Variants in RRBP1 observed in about 807,000 individuals in gnomAD.
RRBP1 encodes the protein ribosome-binding protein 1.
Under a neutral mutation model 165.2 loss-of-function variants are expected in RRBP1, and 94 were observed. The observed-to-expected ratio is 0.57, with a 90% CI of 0.48 to 0.68. RRBP1 has a LOEUF of 0.68. Among genes scored for constraint, RRBP1 ranks in the 30% least tolerant of loss-of-function variants. RRBP1 has a pLI of 0.00. For synonymous variants in RRBP1, 680 were observed against 714.5 expected (o/e 0.95, Z 0.77); for missense variants, 1,676 against 1,763.0 (o/e 0.95, Z 0.88).
chr20:17,648,302 TGAA>T (rs1298050678), intron 3 of RRBP1, among the ~76,000 whole-genome samples: 1 of 152,276 alleles, frequency 6.6e-6, no homozygotes, highest in East Asian at 1.9e-4. Context: ...CTGGAGGAAA[TGAA>T]GATCTACCAA....
chr20:17,680,948 CG>C (rs1203581767), intron 1 of RRBP1, among the ~76,000 whole-genome samples: 1 of 152,136 alleles, frequency 6.6e-6, no homozygotes, highest in Non-Finnish European at 1.5e-5. Context: ...ACAACTTGGT[CG>C]GGGTCACCCT....
intron 2 of RRBP1, among the ~76,000 whole-genome samples, chr20:17,664,601 CA>C (rs1396954739): frequency 1.3e-5 from 2 of 152,174 alleles, no homozygotes; most frequent in Non-Finnish European, 2.9e-5. Context: ...ATTCGGGGAA[CA>C]AAAGTAAGAG....
chr20:17,616,061 G>T, intron 21 of RRBP1, 52 bp from the exon 22 acceptor site: 1 of 1,503,610 alleles, frequency 6.7e-7, no homozygotes, highest in Non-Finnish European at 9.1e-7. Context: ...AACCCTCCAG[G>T]GGCCCAGGGA....
chr20:17,655,394 G>A (rs1337927244), intron 3 of RRBP1, among the ~76,000 whole-genome samples: 1 of 152,244 alleles, frequency 6.6e-6, no homozygotes, highest in Admixed American at 6.5e-5. Context: ...ATTTCCTACA[G>A]TTACGGTTTA....
chr20:17,664,515 C>T (rs747428798), intron 2 of RRBP1, among the ~76,000 whole-genome samples: 12 of 152,198 alleles, frequency 7.9e-5, no homozygotes, highest in African/African-American at 2.9e-4. Flanking sequence ...TAGGAGGCTG[C>T]GCAGAGGCTG....
chr20:17,670,453 AAC>A (rs748477888), intron 2 of RRBP1, among the ~76,000 whole-genome samples: 1 of 143,908 alleles, frequency 6.9e-6, no homozygotes, highest in African/African-American at 2.5e-5. Flanking sequence ...AAAAAAAAAA[AAC>A]AGTAACACAC....
chr20:17,639,301 C>A (rs1057430860), intron 5 of RRBP1, among the ~76,000 whole-genome samples: 18 of 152,244 alleles, frequency 1.2e-4, no homozygotes, highest in African/African-American at 4.3e-4. Flanking sequence ...GGACTTCGCA[C>A]ATTTGGGAGA....
In RRBP1 at chr20:17,618,620, CT is replaced by C; in HGVS notation, c.3734del (p.Gln1245ArgfsTer14). ...SQLDAAKSEA[Q>X]KQSDELALVR... ...CCAGGGCAAGCTCATCGCTCTGTTTCTGGGCTTCGCTCTTGGCGGCATCGAG... is the reference window on the plus strand; with the variant it reads ...CCAGGGCAAGCTCATCGCTCTGTTTCGGGCTTCGCTCTTGGCGGCATCGAG... On this transcript the variant is annotated frameshift_variant, in exon 20 of 25. Coordinates refer to ENST00000377813, the MANE Select transcript of RRBP1 (RefSeq NM_001365613.2). LOFTEE classifies it high-confidence loss of function. 6.2e-7 allele frequency: 1 copy of C among 1,614,048 alleles called. No individual in the cohort carries two copies. Among genetic ancestry groups the C allele is most frequent in the Non-Finnish European group, 8.5e-7 (1 of 1,180,032 alleles).
intron 3 of RRBP1, among the ~76,000 whole-genome samples, chr20:17,655,984 A>G (rs1167774197): frequency 1.3e-5 from 2 of 152,182 alleles, no homozygotes; most frequent in East Asian, 3.9e-4. Context: ...CTGCTGAGTC[A>G]CAAGATCCTG....
chr20:17,641,377 G>C (rs754130890), intron 5 of RRBP1: 6 of 185,062 alleles, frequency 3.2e-5, no homozygotes, highest in Non-Finnish European at 6.9e-5. Context: ...CTCCCCACAA[G>C]GTTTTGCATA....
chr20:17,614,536 T>A (rs2035754044), intron 24 of RRBP1, among the ~76,000 whole-genome samples: 1 of 151,890 alleles, frequency 6.6e-6, no homozygotes, highest in Admixed American at 6.5e-5. Flanking sequence ...GAAGGGTGGG[T>A]GGTGGGCCGG....
At chr20:17,681,131 G>A (rs1331684201) in intron 1 of RRBP1, among the ~76,000 whole-genome samples, 1 of 151,194 alleles carries the variant, frequency 6.6e-6, no homozygotes, top group Non-Finnish European at 1.5e-5. Context: ...GTGCCAGCGC[G>A]CTTGGCCGGC....
intron 2 of RRBP1, among the ~76,000 whole-genome samples, chr20:17,660,750 G>C (rs1255430664): frequency 6.6e-6 from 1 of 152,150 alleles, no homozygotes; most frequent in Admixed American, 6.5e-5. Context: ...CCCATACAAA[G>C]CAACAGCAGA....
At chr20:17,621,376 C>T (rs1274271179) in intron 16 of RRBP1, 82 bp downstream of exon 16, 5 of 1,046,852 alleles carry the variant, frequency 4.8e-6, no homozygotes, top group South Asian at 4.1e-5. Context: ...AACACCAGGC[C>T]ACCTCCTGCC....
chr20:17,616,028 CAT>C lies in RRBP1; in HGVS notation c.3868-21_3868-20del. On this transcript the variant is annotated intron_variant, in intron 21 of 24. Coordinates refer to ENST00000377813, the MANE Select transcript of RRBP1 (RefSeq NM_001365613.2). ...TCTTCAGCTGTGCAAACACCGCAAA[CAT>C]AACCCGGCAGCCCGGTGAGGAACCC... 1 of 1,598,962 alleles carries C rather than the reference CAT, an allele frequency of 6.3e-7. No homozygotes were observed. Among genetic ancestry groups the C allele is most frequent in the South Asian group, 1.1e-5 (1 of 90,580 alleles).
Position 17,627,202 on chromosome 20 carries a change from C to A in RRBP1, c.2963+146G>T, listed in dbSNP as rs567236797. The A allele has an allele frequency of 3.5e-5, 27 of 761,850 alleles. 1 individual carries two copies. In the South Asian group the frequency reaches 4.9e-4, roughly 14 times the overall value. The allele number at this position is 761,850 out of a possible 1,614,324, so 47.2% of individuals were successfully genotyped here. ...AGGCCTGTCCCGTCCTCTAAATCACCGGAGGATGGGGGAGGGAAGGGAGCC... is the reference window on the plus strand; with the variant it reads ...AGGCCTGTCCCGTCCTCTAAATCACAGGAGGATGGGGGAGGGAAGGGAGCC... On this transcript the variant is annotated intron_variant, in intron 11 of 24. Transcript: ENST00000377813.
At position 17,631,481 on chromosome 20, in the gene RRBP1, C is replaced by T. The variant is rs114771267; in HGVS notation, c.2611-1520G>A. The stretch of plus-strand genomic sequence containing the variant: ...AACTTAAAATCTTTGATGGAAACCA[C>T]GGGCCTCCATCTTAAGACCTCAGGT... On this transcript the variant is annotated intron_variant, in intron 8 of 24. Transcript: ENST00000377813. 1.3e-3 allele frequency among the ~76,000 whole-genome samples: 193 copies of T among 152,360 alleles called. 2 individuals carry two copies. Among genetic ancestry groups the T allele is most frequent in the African/African-American group, 4.4e-3 (184 of 41,586 alleles).
chr20:17,663,347 C>T (rs6080767), intron 2 of RRBP1, among the ~76,000 whole-genome samples: 45,795 of 152,196 alleles, frequency 0.3, 8,925 homozygotes, highest in African/African-American at 0.56. Context: ...AATACAAAAA[C>T]ATATTCTCTG....
intron 7 of RRBP1, 46 bp from the exon 8 acceptor site, chr20:17,633,659 G>A: frequency 6.3e-7 from 1 of 1,596,800 alleles, no homozygotes; most frequent in Non-Finnish European, 8.6e-7. Flanking sequence ...AAAGGGTGAT[G>A]GGATCGGTGG....
Sources: gnomAD v4.1 joint callset for allele counts (sites outside exome capture counted in the v4.1 genomes callset) on GRCh38, gnomAD v4.1.1 for gene constraint, MANE v1.5 for transcripts, NCBI Gene and HGNC (gene_info 2026-07-23, HGNC 2026-07-21) for gene names.